Variants in RAC1 observed in about 807,000 individuals in gnomAD.
RAC1 encodes Rac family small GTPase 1.
RAC1 carries 2 observed loss-of-function variants against 25.2 expected under a neutral mutation model. The ratio of observed to expected loss-of-function variants is 0.08; its 90% CI spans 0.03 to 0.25. The LOEUF (loss-of-function observed/expected upper bound fraction) is 0.25, where lower values mean the gene tolerates loss of function less well. Ranked by LOEUF, RAC1 falls within the 10% of genes least tolerant of loss-of-function variation. The pLI, the probability that RAC1 is intolerant of heterozygous loss-of-function variation, is 1.00. For missense variants in RAC1, 50 were observed against 235.7 expected, an observed-to-expected ratio of 0.21 and a Z score of 5.16; for synonymous variants, 88 against 94.0, an observed-to-expected ratio of 0.94 and a Z score of 0.37.
chr7:6,377,056 AC>A (rs1239633396), intron 1 of RAC1, among the ~76,000 whole-genome samples: 1 of 151,876 alleles, frequency 6.6e-6, no homozygotes, highest in East Asian at 1.9e-4. Flanking sequence ...ACAAGACTAA[AC>A]AAGATGTTGG....
intron 1 of RAC1, among the ~76,000 whole-genome samples, chr7:6,386,357 CAA>C (rs771918365): frequency 9.2e-5 from 14 of 152,152 alleles, no homozygotes; most frequent in Non-Finnish European, 2.1e-4. Context: ...CACTTTCTCT[CAA>C]GAGAACAGTC....
chr7:6,396,875 A>G (rs1247738900), intron 3 of RAC1, among the ~76,000 whole-genome samples: 3 of 151,990 alleles, frequency 2.0e-5, no homozygotes, highest in Non-Finnish European at 4.4e-5. Context: ...CTAAAAATAC[A>G]AAAAATTAGC....
chr7:6,395,009 C>T (rs531902501), intron 3 of RAC1, among the ~76,000 whole-genome samples: 3 of 152,278 alleles, frequency 2.0e-5, no homozygotes, highest in Admixed American at 1.3e-4. Context: ...CGCCCGCCAC[C>T]ACACCTGACT....
chr7:6,383,828 G>A (rs916202038), intron 1 of RAC1, among the ~76,000 whole-genome samples: 1 of 70,388 alleles, frequency 1.4e-5, no homozygotes, highest in Non-Finnish European at 2.6e-5. Flanking sequence ...TTGAGACGGA[G>A]TTTTGCTCTT....
At chr7:6,376,373 G>A (rs1469858396) in intron 1 of RAC1, among the ~76,000 whole-genome samples, 1 of 151,512 alleles carries the variant, frequency 6.6e-6, no homozygotes, top group African/African-American at 2.4e-5. Flanking sequence ...TAGTAGAGAC[G>A]GGGTTTCACC....
intron 1 of RAC1, among the ~76,000 whole-genome samples, chr7:6,383,409 A>G (rs34244271): frequency 1.5e-4 from 21 of 142,936 alleles, no homozygotes; most frequent in South Asian, 2.3e-4. Context: ...TTTTGATTGC[A>G]CTAAGCTTAA....
intron 1 of RAC1, among the ~76,000 whole-genome samples, chr7:6,376,970 C>T (rs1243359751): frequency 6.6e-6 from 1 of 151,810 alleles, no homozygotes; most frequent in Non-Finnish European, 1.5e-5. Flanking sequence ...CCTTCAAATC[C>T]CCACCCCACC....
In RAC1 at chr7:6,403,654, G is replaced by GCCACA. The variant is rs1783483597; in HGVS notation, c.*1211_*1212insCACCA. On this transcript the variant is annotated 3_prime_UTR_variant, in exon 6 of 6. Transcript: ENST00000348035. ...TGAACCTTCTTAACATCACTGTCTT[G>GCCACA]CCAGATTACCGACACTGTCACTTGA... The GCCACA allele has an allele frequency of 4.8e-6, 1 of 208,648 alleles. No individual in the cohort carries two copies. Among genetic ancestry groups the GCCACA allele is most frequent in the African/African-American group, 2.3e-5 (1 of 43,950 alleles). 12.9% of individuals were successfully genotyped at this position (208,648 alleles called of 1,614,324 possible).
chr7:6,379,630 G>C (rs957088009), intron 1 of RAC1, among the ~76,000 whole-genome samples: 1 of 152,188 alleles, frequency 6.6e-6, no homozygotes, highest in Non-Finnish European at 1.5e-5. Context: ...GGTTGGTTTC[G>C]AACTCCTGAC....
chr7:6,393,472 C>G (rs1783146603), intron 3 of RAC1, among the ~76,000 whole-genome samples: 1 of 152,132 alleles, frequency 6.6e-6, no homozygotes, highest in Non-Finnish European at 1.5e-5. Context: ...TGAGGCCTCT[C>G]TAAGGAAGGC....
At chr7:6,393,555 G>T (rs1239476602) in intron 3 of RAC1, among the ~76,000 whole-genome samples, 1 of 152,164 alleles carries the variant, frequency 6.6e-6, no homozygotes, top group Admixed American at 6.5e-5. Context: ...TAAGGAAAGA[G>T]AACTCTCCTC....
intron 4 of RAC1, 153 bp from the exon 5 acceptor site, chr7:6,401,715 C>A (rs1783408352): frequency 1.5e-6 from 1 of 676,284 alleles, no homozygotes; most frequent in African/African-American, 1.8e-5. Context: ...TGGCTCAAGG[C>A]TTGAATTGAA....
rs34547258 is a variant in RAC1, at chr7:6,390,096, C to CTTTTTTTTTTTT, written c.108-1818_108-1807dup. Among the ~76,000 whole-genome samples, 592 of 74,904 alleles carry CTTTTTTTTTTTT rather than the reference C, an allele frequency of 7.9e-3. 37 individuals are homozygous for CTTTTTTTTTTTT. The highest frequency in any genetic ancestry group is 0.07 in the East Asian group (90 of 1,294). 49.1% of individuals were successfully genotyped at this position (74,904 alleles called of 152,430 possible). A position where few individuals can be genotyped will look rare whatever the true frequency, so the allele number is the denominator to read the frequency against. ...CCTCCCTTGCTCCCTCCCTCCCTCC[C>CTTTTTTTTTTTT]TTTTTTTTTTTTTTTTTTTTTGAGA... On this transcript the variant is annotated intron_variant, in intron 2 of 5. Coordinates refer to ENST00000348035, the MANE Select transcript of RAC1 (RefSeq NM_006908.5).
chr7:6,397,988 C>G (rs1298807290), intron 3 of RAC1, among the ~76,000 whole-genome samples: 2 of 152,196 alleles, frequency 1.3e-5, no homozygotes, highest in African/African-American at 4.8e-5. Context: ...GACTCCGTCT[C>G]AAAAACGCTT....
intron 1 of RAC1, among the ~76,000 whole-genome samples, chr7:6,381,287 G>A (rs550126869): frequency 7.2e-4 from 109 of 152,254 alleles, no homozygotes; most frequent in African/African-American, 2.4e-3. Context: ...CTGGAAGGGT[G>A]GATTCAGACT....
At chr7:6,398,896 C>T (rs1783321109) in intron 3 of RAC1, among the ~76,000 whole-genome samples, 1 of 152,184 alleles carries the variant, frequency 6.6e-6, no homozygotes, top group South Asian at 2.1e-4. Context: ...AGTTTACCCA[C>T]CGGCTTGAAT....
At chr7:6,376,139 A>C (rs2115179375) in intron 1 of RAC1, among the ~76,000 whole-genome samples, 1 of 145,296 alleles carries the variant, frequency 6.9e-6, no homozygotes, top group African/African-American at 2.5e-5. Flanking sequence ...TTGTCTTGGA[A>C]GTGTGAAGGA....
chr7:6,402,307 T>G lies in RAC1; in HGVS notation c.449-9T>G. ...AGTGTACATTGCCGTGTGGTCGTGT[T>G]TCCTGTAGGTGCTGTAAAATACCTG... On this transcript the variant is annotated splice_polypyrimidine_tract_variant and intron_variant, in intron 5 of 5. Coordinates refer to ENST00000348035, the MANE Select transcript of RAC1 (RefSeq NM_006908.5). The G allele has an allele frequency of 1.9e-6, 3 of 1,601,072 alleles. No individual in the cohort carries two copies. Among genetic ancestry groups the G allele is most frequent in the Non-Finnish European group, 2.6e-6 (3 of 1,173,956 alleles).
In RAC1 at chr7:6,374,622, C is replaced by G; in HGVS notation, c.-114C>G. ...GGCGAGGCGGCGTGGACAGCGGCCC[C>G]GGCACCCAGCGCCCCGCCGCCCGCA... is the stretch of plus-strand genomic sequence containing the variant. On this transcript the variant is annotated 5_prime_UTR_variant, in exon 1 of 6. Coordinates refer to ENST00000348035, the MANE Select transcript of RAC1 (RefSeq NM_006908.5). 1.6e-6 allele frequency: 1 copy of G among 644,050 alleles called. No homozygotes were observed. Among genetic ancestry groups the G allele is most frequent in the Non-Finnish European group, 2.0e-6 (1 of 506,888 alleles). The allele number at this position is 644,050 out of a possible 1,614,324, so 39.9% of individuals were successfully genotyped here.
Sources: allele counts gnomAD v4.1 joint callset (sites outside exome capture counted in the v4.1 genomes callset), GRCh38; gene constraint gnomAD v4.1.1; transcripts MANE v1.5; gene names NCBI Gene and HGNC (gene_info 2026-07-23, HGNC 2026-07-21).